ART3: variants seen among roughly 807,000 people sequenced by gnomAD.
The protein encoded by ART3 is ecto-ADP-ribosyltransferase 3.
ART3 carries 49 observed loss-of-function variants against 48.5 expected under a neutral mutation model. The ratio of observed to expected loss-of-function variants is 1.01; its 90% CI spans 0.80 to 1.28. The LOEUF (loss-of-function observed/expected upper bound fraction) is 1.28. ART3 is among the 50% of genes most tolerant of loss of function. ART3 has a pLI of 0.00. For synonymous variants in ART3, 145 were observed against 157.2 expected, an observed-to-expected ratio of 0.92 and a Z score of 0.58; for missense variants, 438 against 454.3, an observed-to-expected ratio of 0.96 and a Z score of 0.33.
chr4:76,077,396 T>G (rs1466744541), intron 2 of ART3, among the ~76,000 whole-genome samples: 2 of 152,244 alleles, frequency 1.3e-5, no homozygotes, highest in African/African-American at 4.8e-5. Context: ...TACCGCATCT[T>G]GTTTATCCAT....
chr4:76,052,719 T>C (rs1229046560), intron 1 of ART3, among the ~76,000 whole-genome samples: 2 of 98,444 alleles, frequency 2.0e-5, no homozygotes, highest in Non-Finnish European at 1.9e-5. Flanking sequence ...TTTTTCCTTC[T>C]TTTTTTTTTT....
chr4:76,052,874 C>T (rs1184797101), intron 1 of ART3, among the ~76,000 whole-genome samples: 3 of 151,954 alleles, frequency 2.0e-5, no homozygotes, highest in Non-Finnish European at 4.4e-5. Flanking sequence ...GATTACAGGC[C>T]TGTGCCACCG....
chr4:76,096,667 C>T (rs1360388695), intron 3 of ART3, among the ~76,000 whole-genome samples: 3 of 152,184 alleles, frequency 2.0e-5, no homozygotes, highest in South Asian at 2.1e-4. Context: ...GGTAGATTCC[C>T]CTTTCTGTCA....
At chr4:76,091,213 A>G (rs1724811379) in intron 3 of ART3, among the ~76,000 whole-genome samples, 1 of 152,226 alleles carries the variant, frequency 6.6e-6, no homozygotes, top group Admixed American at 6.5e-5. Context: ...ACATGTATAT[A>G]CAAGTCTTTG....
intron 1 of ART3, chr4:76,058,657 T>G (rs141932169): frequency 3.9e-5 from 6 of 152,204 alleles, no homozygotes; most frequent in African/African-American, 1.4e-4. Context: ...TCCTATCTAT[T>G]TATACACATA....
intron 11 of ART3, among the ~76,000 whole-genome samples, chr4:76,111,135 T>TA (rs1729397034): frequency 6.6e-6 from 1 of 152,210 alleles, no homozygotes; most frequent in Non-Finnish European, 1.5e-5. Flanking sequence ...GTTTCGAGTA[T>TA]CCTCTTAAAA....
At chr4:76,107,823 A>G (rs773850744) in intron 11 of ART3, 30 bp downstream of exon 11, 2 of 1,461,088 alleles carry the variant, frequency 1.4e-6, no homozygotes, top group Admixed American at 4.8e-5. Context: ...CTCAGTTGAT[A>G]AATGCCTGCT....
intron 1 of ART3, chr4:76,022,772 C>T: frequency 6.2e-7 from 1 of 1,613,136 alleles, no homozygotes; most frequent in Middle Eastern, 1.7e-4. Context: ...AGGTTGATTA[C>T]TAATGCTGAT....
At chr4:76,054,240 C>T (rs768184328) in intron 1 of ART3, among the ~76,000 whole-genome samples, 18 of 152,156 alleles carry the variant, frequency 1.2e-4, no homozygotes, top group Non-Finnish European at 2.2e-4. Context: ...GAGATGACCC[C>T]TGCATGTGAA....
At position 76,047,076 on chromosome 4, in the gene ART3, C is replaced by T. The variant is rs182879529; in HGVS notation, c.-9-28805C>T. 5.8e-3 allele frequency among the ~76,000 whole-genome samples: 882 copies of T among 152,138 alleles called. 22 individuals carry two copies. The highest frequency in any genetic ancestry group is 0.02 in the African/African-American group (839 of 41,554). ...GCTTCTGACCCAGGGAACCTTCATC[C>T]TCTGGGGCAGTGCACCTTCCAGTGA... is the stretch of plus-strand genomic sequence containing the variant. On this transcript the variant is annotated intron_variant, in intron 1 of 9. Coordinates refer to the ART3 transcript ENST00000341029.
At chr4:76,065,420 A>G (rs527464126) in intron 1 of ART3, among the ~76,000 whole-genome samples, 2 of 152,170 alleles carry the variant, frequency 1.3e-5, no homozygotes, top group Non-Finnish European at 2.9e-5. Context: ...CCACACAGAC[A>G]TGGGGAGAAT....
At chr4:76,055,280 G>A (rs1350362202) in intron 1 of ART3, among the ~76,000 whole-genome samples, 1 of 152,208 alleles carries the variant, frequency 6.6e-6, no homozygotes, top group Non-Finnish European at 1.5e-5. Context: ...GGTATGTGGT[G>A]GTAACTGGAT....
At chr4:76,106,935 A>G (rs190853783) in intron 10 of ART3, among the ~76,000 whole-genome samples, 2,000 of 152,272 alleles carry the variant, frequency 0.013, 16 homozygotes, top group Non-Finnish European at 0.019. Flanking sequence ...TGATTTTGCA[A>G]TGGTCTGAAA....
chr4:76,065,889 A>G lies in ART3; in HGVS notation c.-9-9992A>G, dbSNP rs189636896. Among the ~76,000 whole-genome samples, 131 of 152,234 alleles carry G rather than the reference A, an allele frequency of 8.6e-4. No individual in the cohort carries two copies. In the East Asian group the frequency reaches 0.011, roughly 12 times the overall value. The stretch of plus-strand genomic sequence containing the variant: ...CATTCCCTTTATAAAGTCTGTCTGT[A>G]CTCTGTAACCTTTAAGATTATCCTT... On this transcript the variant is annotated intron_variant, in intron 1 of 9. Transcript: ENST00000341029.
At position 76,060,612 on chromosome 4, in the gene ART3, C is replaced by A. The variant is rs1365599824; in HGVS notation, c.-9-15269C>A. Reference sequence around the variant, plus strand: ...ATTACATGGCAAAAGGAACACTGGACTTATATTATGGACCTCAAAATACAT... The same window carrying A: ...ATTACATGGCAAAAGGAACACTGGAATTATATTATGGACCTCAAAATACAT... On this transcript the variant is annotated intron_variant, in intron 1 of 9. Transcript: ENST00000341029. Among the ~76,000 whole-genome samples, 9 of 97,050 alleles carry A rather than the reference C, an allele frequency of 9.3e-5. No homozygotes were observed. The Admixed American group carries it at 1.2e-3, about 13-fold the overall frequency. The allele number at this position is 97,050 out of a possible 152,430, so 63.7% of individuals were successfully genotyped here.
At chr4:76,028,877 A>G (rs1035006417) in intron 1 of ART3, among the ~76,000 whole-genome samples, 1 of 152,202 alleles carries the variant, frequency 6.6e-6, no homozygotes, top group African/African-American at 2.4e-5. Context: ...CTGTTTGGAT[A>G]CATTTTAGGC....
At chr4:76,019,957 T>C (rs1379986176) in intron 1 of ART3, among the ~76,000 whole-genome samples, 2 of 152,152 alleles carry the variant, frequency 1.3e-5, no homozygotes, top group Non-Finnish European at 2.9e-5. Context: ...TGGTTGATGT[T>C]ATCAAACTTA....
chr4:76,050,989 A>T (rs1371521900), intron 1 of ART3, among the ~76,000 whole-genome samples: 1 of 152,168 alleles, frequency 6.6e-6, no homozygotes. Context: ...CCGGAACTCC[A>T]GCTGGCCTGC....
chr4:76,049,792 T>A (rs528058636), intron 1 of ART3, among the ~76,000 whole-genome samples: 113 of 152,138 alleles, frequency 7.4e-4, no homozygotes, highest in African/African-American at 2.6e-3. Flanking sequence ...GTTGCCAAGA[T>A]GTGTCCGGAA....
Sources: gnomAD v4.1 joint callset for allele counts (sites outside exome capture counted in the v4.1 genomes callset) on GRCh38, gnomAD v4.1.1 for gene constraint, MANE v1.5 for transcripts, NCBI Gene and HGNC (gene_info 2026-07-23, HGNC 2026-07-21) for gene names.